FAF2: variants seen among roughly 807,000 people sequenced by gnomAD.
FAF2 encodes Fas associated factor family member 2.
In FAF2, 9 loss-of-function variants were observed where a neutral mutation model predicts 62.3. The ratio of observed to expected loss-of-function variants is 0.14; its 90% confidence interval spans 0.09 to 0.25. The LOEUF (loss-of-function observed/expected upper bound fraction) is 0.25, where lower values mean the gene tolerates loss of function less well. Among genes scored for constraint, FAF2 ranks in the 10% least tolerant of loss-of-function variants. The pLI, the probability that FAF2 is intolerant of heterozygous loss-of-function variation, is 1.00. For synonymous variants in FAF2, 202 were observed against 198.0 expected (o/e 1.02, Z -0.17); for missense variants, 368 against 556.2 (o/e 0.66, Z 3.40).
chr5:176,493,535 A>G (rs535215860), intron 5 of FAF2, among the ~76,000 whole-genome samples: 5 of 152,250 alleles, frequency 3.3e-5, no homozygotes, highest in Admixed American at 3.3e-4. Context: ...CGTACAGTCC[A>G]TCATTCCTAC....
chr5:176,477,692 C>T lies in FAF2; in HGVS notation c.64-1496C>T, dbSNP rs571502510. ...ATGAAAACTTGTATACCTAAAAATC[C>T]GAATTTCAGTTTTTGAATTTTGTTT... On this transcript the variant is annotated intron_variant, in intron 1 of 10. Transcript: ENST00000261942. 3.3e-5 allele frequency among the ~76,000 whole-genome samples: 5 copies of T among 152,218 alleles called. 1 individual carries two copies. The South Asian group carries it at 6.2e-4, about 19-fold the overall frequency.
chr5:176,448,896 A>G (rs1478969645), intron 1 of FAF2, among the ~76,000 whole-genome samples: 1 of 152,090 alleles, frequency 6.6e-6, no homozygotes, highest in African/African-American at 2.4e-5. Context: ...CCATTTCCAC[A>G]TACACTCCCA....
intron 10 of FAF2, among the ~76,000 whole-genome samples, chr5:176,504,411 C>T (rs1172418020): frequency 3.3e-5 from 5 of 151,982 alleles, no homozygotes; most frequent in South Asian, 4.1e-4. Context: ...TGGTGAAACC[C>T]CATCTCTACA....
At chr5:176,491,177 T>C (rs957010873) in intron 4 of FAF2, among the ~76,000 whole-genome samples, 59 of 152,354 alleles carry the variant, frequency 3.9e-4, no homozygotes, top group African/African-American at 1.4e-3. Context: ...AGGGAAAATA[T>C]GCACGGCATG....
intron 1 of FAF2, among the ~76,000 whole-genome samples, chr5:176,472,540 C>T (rs1758590010): frequency 6.6e-6 from 1 of 151,894 alleles, no homozygotes; most frequent in Non-Finnish European, 1.5e-5. Context: ...ACCTTGGCCT[C>T]CCAGAATGCT....
chr5:176,488,204 C>T (rs1046314184), intron 3 of FAF2, among the ~76,000 whole-genome samples: 2 of 152,196 alleles, frequency 1.3e-5, no homozygotes, highest in African/African-American at 4.8e-5. Context: ...TCTCGAACTC[C>T]TGACCCCAGG....
chr5:176,483,615 C>G (rs564936426), intron 2 of FAF2, among the ~76,000 whole-genome samples: 1 of 152,296 alleles, frequency 6.6e-6, no homozygotes, highest in East Asian at 1.9e-4. Flanking sequence ...GGGCACACTG[C>G]CCTCCTAAAG....
chr5:176,452,065 T>G (rs1469297413), intron 1 of FAF2, among the ~76,000 whole-genome samples: 1 of 149,734 alleles, frequency 6.7e-6, no homozygotes, highest in African/African-American at 2.5e-5. Flanking sequence ...AATTTTTGTC[T>G]GTTTGTTTTT....
At chr5:176,505,001 C>T (rs140419437) in intron 10 of FAF2, among the ~76,000 whole-genome samples, 3,307 of 136,550 alleles carry the variant, frequency 0.024, 83 homozygotes, top group Middle Eastern at 0.086. Flanking sequence ...CCAGCCTGGG[C>T]GACAGAGCAA....
At chr5:176,454,285 C>T (rs917560583) in intron 1 of FAF2, among the ~76,000 whole-genome samples, 37 of 151,774 alleles carry the variant, frequency 2.4e-4, no homozygotes, top group African/African-American at 8.2e-4. Context: ...CCCAGCTACT[C>T]GGGAGGGTAA....
chr5:176,475,504 C>T (rs535020392), intron 1 of FAF2, among the ~76,000 whole-genome samples: 2 of 152,248 alleles, frequency 1.3e-5, no homozygotes, highest in South Asian at 2.1e-4. Flanking sequence ...CAGCCGGGCA[C>T]GGTGGCTCAC....
At chr5:176,468,045 A>G (rs1324990156) in intron 1 of FAF2, among the ~76,000 whole-genome samples, 2 of 152,160 alleles carry the variant, frequency 1.3e-5, no homozygotes, top group African/African-American at 4.8e-5. Flanking sequence ...GGCACTTACA[A>G]TCCCAGCTAC....
chr5:176,503,533 T>G (rs1261689350), intron 10 of FAF2, among the ~76,000 whole-genome samples: 5 of 138,002 alleles, frequency 3.6e-5, no homozygotes, highest in Non-Finnish European at 7.7e-5. Context: ...CCAGCCTGAG[T>G]GAAAAAAGCA....
rs1314096875 is a variant in FAF2 at position 176,507,025 on chromosome 5, G to GA, written c.*85dup. 33,583 of 881,450 alleles carry GA rather than the reference G, an allele frequency of 0.038. 2 individuals are homozygous for GA. Among genetic ancestry groups the GA allele is most frequent in the East Asian group, 0.047 (1,286 of 27,598 alleles). The allele number at this position is 881,450 out of a possible 1,614,324, so 54.6% of individuals were successfully genotyped here. On this transcript the variant is annotated 3_prime_UTR_variant, in exon 11 of 11. Coordinates refer to ENST00000261942, the MANE Select transcript of FAF2 (RefSeq NM_014613.3). ...GAAAAAAGAAAACAACAGCAAGTCA[G>GA]AAAAAAAAAACAAGAGAGAGAAATT...
chr5:176,451,873 C>CATAT (rs1758187283), intron 1 of FAF2, among the ~76,000 whole-genome samples: 1 of 26,398 alleles, frequency 3.8e-5, no homozygotes, highest in African/African-American at 1.4e-4. Context: ...TATATATACA[C>CATAT]ACATATATAT....
chr5:176,495,172 A>C (rs1759039840), intron 7 of FAF2, among the ~76,000 whole-genome samples: 1 of 152,200 alleles, frequency 6.6e-6, no homozygotes, highest in East Asian at 1.9e-4. Context: ...CCAGTGAGGA[A>C]AAATGTAGTC....
At chr5:176,459,450 A>C (rs530023556) in intron 1 of FAF2, among the ~76,000 whole-genome samples, 19 of 151,976 alleles carry the variant, frequency 1.3e-4, no homozygotes, top group Admixed American at 3.9e-4. Flanking sequence ...TTTTTTGTAG[A>C]GACATGGTCT....
Position 176,509,122 on chromosome 5 carries a change from A to G in FAF2, c.*2172A>G, listed in dbSNP as rs1755735029. On this transcript the variant is annotated 3_prime_UTR_variant, in exon 11 of 11. Transcript: ENST00000261942. ...AACTGTTAGGGCGGCCTTCCCATTT[A>G]CTTTAGGTTTCAAGAGGATTCACCG... is the stretch of plus-strand genomic sequence containing the variant. 1 of 152,062 alleles carries G rather than the reference A, an allele frequency of 6.6e-6. No individual in the cohort carries two copies. The highest frequency in any genetic ancestry group is 6.6e-5 in the Admixed American group (1 of 15,260). The allele number at this position is 152,062 out of a possible 1,614,324, so 9.4% of individuals were successfully genotyped here.
chr5:176,458,376 C>G (rs1052710124), intron 1 of FAF2, among the ~76,000 whole-genome samples: 2 of 145,964 alleles, frequency 1.4e-5, no homozygotes, highest in African/African-American at 5.1e-5. Context: ...GCCACCACGT[C>G]TGGCCTCAGA....
Sources: allele counts gnomAD v4.1 joint callset (sites outside exome capture counted in the v4.1 genomes callset), GRCh38; gene constraint gnomAD v4.1.1; transcripts MANE v1.5; gene names NCBI Gene and HGNC (gene_info 2026-07-23, HGNC 2026-07-21).